Variants in MORN1 observed in about 807,000 individuals in gnomAD.
The protein encoded by MORN1 is MORN repeat-containing protein 1.
A neutral mutation model predicts 61.9 loss-of-function variants in MORN1; 67 were observed. The observed-to-expected ratio is 1.08, with a 90% CI of 0.89 to 1.33. The LOEUF (loss-of-function observed/expected upper bound fraction) is 1.33, where lower values mean the gene tolerates loss of function less well. Among genes scored for constraint, MORN1 ranks in the 40% most tolerant of loss-of-function variants. The pLI is 0.00. For synonymous variants in MORN1, 301 were observed against 292.0 expected (o/e 1.03, Z -0.31); for missense variants, 752 against 691.2 (o/e 1.09, Z -0.99).
intron 11 of MORN1, 74 bp from the exon 12 acceptor site, chr1:2,336,622 C>G: frequency 6.3e-7 from 1 of 1,591,640 alleles, no homozygotes; most frequent in South Asian, 1.1e-5. Context: ...CTCCAACCCC[C>G]CTGGGGCACA....
At chr1:2,360,850 G>A (rs1414327842) in intron 8 of MORN1, among the ~76,000 whole-genome samples, 1 of 152,216 alleles carries the variant, frequency 6.6e-6, no homozygotes, top group Non-Finnish European at 1.5e-5. Flanking sequence ...GTCACAGGAA[G>A]CGGGGGCAAG....
At chr1:2,333,310 C>T (rs1338853353) in intron 12 of MORN1, among the ~76,000 whole-genome samples, 1 of 152,214 alleles carries the variant, frequency 6.6e-6, no homozygotes, top group Admixed American at 6.5e-5. Context: ...CCAGCTGGGA[C>T]CCAGCAGCCG....
intron 12 of MORN1, among the ~76,000 whole-genome samples, chr1:2,327,915 T>C (rs1641072072): frequency 6.6e-6 from 1 of 152,230 alleles, no homozygotes; most frequent in Non-Finnish European, 1.5e-5. Flanking sequence ...GGCAACCCCC[T>C]TACTGCATCT....
chr1:2,342,852 ATTTTATTTTATTTTATTTAT>A (rs1641425437), intron 10 of MORN1, among the ~76,000 whole-genome samples: 1 of 101,326 alleles, frequency 9.9e-6, no homozygotes. Context: ...ATTTTATTTT[ATTTTATTTTATTTTATTTAT>A]TTTATTTTAT....
At chr1:2,325,699 G>A (rs1641013350) in intron 12 of MORN1, among the ~76,000 whole-genome samples, 1 of 149,648 alleles carries the variant, frequency 6.7e-6, no homozygotes, top group African/African-American at 2.5e-5. Flanking sequence ...TGTTGCCCAG[G>A]CTGGAGTGCT....
chr1:2,343,559 G>T (rs1222770308), intron 10 of MORN1, among the ~76,000 whole-genome samples: 1 of 152,168 alleles, frequency 6.6e-6, no homozygotes, highest in Non-Finnish European at 1.5e-5. Context: ...AAGGTCCGGG[G>T]CTCCCTGCGG....
chr1:2,379,240 G>A (rs1352597065), intron 6 of MORN1: 1 of 448,108 alleles, frequency 2.2e-6, no homozygotes, highest in Admixed American at 2.6e-5. Context: ...GATGTAGGAG[G>A]TGCCAAGGGC....
intron 8 of MORN1, among the ~76,000 whole-genome samples, chr1:2,362,679 G>A (rs1641915566): frequency 1.3e-5 from 2 of 152,074 alleles, no homozygotes; most frequent in African/African-American, 4.8e-5. Flanking sequence ...TGGCCTACAT[G>A]GCCAAACCCT....
At chr1:2,336,118 T>C (rs12044954) in intron 12 of MORN1, among the ~76,000 whole-genome samples, 7,890 of 152,238 alleles carry the variant, frequency 0.052, 589 homozygotes, top group African/African-American at 0.16. Context: ...CCCTGAACCC[T>C]GGCCACCAGC....
intron 12 of MORN1, among the ~76,000 whole-genome samples, chr1:2,327,175 A>AACACAGAG (rs1230986726): frequency 7.5e-6 from 1 of 132,462 alleles, no homozygotes; most frequent in Non-Finnish European, 1.6e-5. Flanking sequence ...GACAGAAACA[A>AACACAGAG]ACACAGAGAC....
intron 13 of MORN1, 30 bp downstream of exon 13, chr1:2,324,067 C>A (rs371841482): frequency 4.4e-6 from 7 of 1,581,580 alleles, no homozygotes; most frequent in Non-Finnish European, 6.0e-6. Flanking sequence ...GTGGCACAGC[C>A]GGCGATGGAC....
intron 9 of MORN1, among the ~76,000 whole-genome samples, chr1:2,358,030 T>A (rs1156237346): frequency 1.3e-5 from 2 of 152,138 alleles, no homozygotes; most frequent in African/African-American, 4.8e-5. Context: ...TGACTGTGAA[T>A]GGTAAAATGC....
intron 7 of MORN1, among the ~76,000 whole-genome samples, chr1:2,373,037 A>G (rs1327360017): frequency 6.6e-6 from 1 of 152,222 alleles, no homozygotes; most frequent in African/African-American, 2.4e-5. Context: ...CCGGCTGGCC[A>G]GTGCCTCCTG....
chr1:2,387,495 C>T lies in MORN1; in HGVS notation c.282G>A (p.Glu94=). The stretch of plus-strand genomic sequence containing the variant: ...ACTCCATGACGCCGTAGCCTTGAGG[C>T]TCTCCCAGAACAAACTGTCCAGAGA... ...DTFSGQFVLG[E]PQGYGVMEYK... is the part of the protein sequence containing the mutation. Residue 94 remains glutamate (E), a synonymous_variant, in exon 4 of 14, where the codon GAG becomes GAA. Coordinates refer to ENST00000378531, the MANE Select transcript of MORN1 (RefSeq NM_024848.3). 1 of 1,613,336 alleles carries T rather than the reference C, an allele frequency of 6.2e-7. No individual in the cohort carries two copies. The highest frequency in any genetic ancestry group is 1.6e-4 in the Middle Eastern group (1 of 6,062).
At chr1:2,343,012 C>T (rs1215407739) in intron 10 of MORN1, among the ~76,000 whole-genome samples, 1 of 151,902 alleles carries the variant, frequency 6.6e-6, no homozygotes, top group Non-Finnish European at 1.5e-5. Flanking sequence ...GTGCTGGGAT[C>T]ACGGGCGTGG....
At position 2,331,357 on chromosome 1, in the gene MORN1, C is replaced by A. The variant is rs145769099; in HGVS notation, c.1250+5112G>T. Among the ~76,000 whole-genome samples the A allele has an allele frequency of 2.8e-3, 430 of 152,346 alleles. 1 individual carries two copies. The highest frequency in any genetic ancestry group is 4.6e-3 in the Non-Finnish European group (310 of 68,028). Reference sequence around the variant, plus strand: ...CCCTCCACGCCTGGACTTGGCCCCACGTGGCCACAGGGGTGGGCGGGCTTC... The same window carrying A: ...CCCTCCACGCCTGGACTTGGCCCCAAGTGGCCACAGGGGTGGGCGGGCTTC... On this transcript the variant is annotated intron_variant, in intron 12 of 13. Coordinates refer to ENST00000378531, the MANE Select transcript of MORN1 (RefSeq NM_024848.3).
At chr1:2,330,977 A>G (rs950909337) in intron 12 of MORN1, among the ~76,000 whole-genome samples, 3 of 152,230 alleles carry the variant, frequency 2.0e-5, no homozygotes, top group Non-Finnish European at 4.4e-5. Flanking sequence ...CTTTTGTGGA[A>G]TTCCGTAACA....
At position 2,389,249 on chromosome 1, in the gene MORN1, T is replaced by C. The variant is rs1227683151; in HGVS notation, c.148+676A>G. 3.3e-5 allele frequency among the ~76,000 whole-genome samples: 5 copies of C among 151,764 alleles called. No individual in the cohort carries two copies. The East Asian group carries it at 9.7e-4, about 29-fold the overall frequency. On this transcript the variant is annotated intron_variant, in intron 2 of 13. Transcript: ENST00000378531. ...TGCCTGGGGTTGGTGGGGGTACAGG[T>C]GTTATCGACTTTATACTTGCTTTTT...
intron 8 of MORN1, among the ~76,000 whole-genome samples, chr1:2,367,763 G>A (rs992877670): frequency 1.3e-5 from 2 of 151,762 alleles, no homozygotes; most frequent in East Asian, 1.9e-4. Context: ...AAGTAGCTGG[G>A]ACTACAGGCA....
Sources: allele counts gnomAD v4.1 joint callset (sites outside exome capture counted in the v4.1 genomes callset), GRCh38; gene constraint gnomAD v4.1.1; transcripts MANE v1.5; gene names NCBI Gene and HGNC (gene_info 2026-07-23, HGNC 2026-07-21).